Variants in DCT observed in about 807,000 individuals in gnomAD.
The protein encoded by DCT is dopachrome tautomerase.
A neutral mutation model predicts 53.0 loss-of-function variants in DCT; 47 were observed. The ratio of observed to expected loss-of-function variants is 0.89; its 90% CI spans 0.70 to 1.13. DCT has a LOEUF of 1.13. DCT is among the 50% of genes most tolerant of loss of function. The pLI, the probability that DCT is intolerant of heterozygous loss-of-function variation, is 0.00. For synonymous variants in DCT, 244 were observed against 237.0 expected, an observed-to-expected ratio of 1.03 and a Z score of -0.27; for missense variants, 669 against 637.4, an observed-to-expected ratio of 1.05 and a Z score of -0.53.
chr13:94,525,949 C>T, the DCT span, among the ~76,000 whole-genome samples: 1 of 152,250 alleles, frequency 6.6e-6, no homozygotes, highest in African/African-American at 2.4e-5. Flanking sequence ...CTTCTGTAAA[C>T]TGCTCTTCAT....
At chr13:94,520,282 CTTTAAGT>C in the DCT span, among the ~76,000 whole-genome samples, 1 of 152,164 alleles carries the variant, frequency 6.6e-6, no homozygotes, top group East Asian at 1.9e-4. Context: ...TTCCTCTAAT[CTTTAAGT>C]TTTAATTAGC....
the DCT span, among the ~76,000 whole-genome samples, chr13:94,490,528 A>AAAAAAC: frequency 6.7e-6 from 1 of 149,202 alleles, no homozygotes; most frequent in Non-Finnish European, 1.5e-5. Flanking sequence ...AAAAAAAAAA[A>AAAAAAC]AAACAACTAA....
Position 94,468,760 on chromosome 13 carries a change from C to A in DCT, c.581G>T (p.Arg194Ile), listed in dbSNP as rs774236461. The change falls in exon 2 of 8, where the codon AGA becomes ATA. Residue 194 changes from arginine to isoleucine, a missense_variant. Arg to Ile is a moderately conservative substitution (Grantham distance 97, BLOSUM62 -3). Transcript: ENST00000377028. The stretch of plus-strand genomic sequence containing the variant: ...AAAAAACCCACCTAATAATGTATCT[C>A]TAACAGAATAATAATGGAGCCACAC... ...FFVWLHYYSV[R>I]DTLLGPGRPY... 1 of 1,613,948 alleles carries A rather than the reference C, an allele frequency of 6.2e-7. No homozygotes were observed.
the DCT span, among the ~76,000 whole-genome samples, chr13:94,503,754 G>C: frequency 6.6e-6 from 1 of 152,146 alleles, no homozygotes; most frequent in African/African-American, 2.4e-5. Flanking sequence ...CCTCCACAAC[G>C]GTGAGAGAAT....
chr13:94,470,119 GA>G (rs1182229920), intron 1 of DCT, among the ~76,000 whole-genome samples: 5 of 151,986 alleles, frequency 3.3e-5, no homozygotes, highest in Non-Finnish European at 5.9e-5. Context: ...AAGAAAGAGA[GA>G]GAGAAAGAAA....
the DCT span, among the ~76,000 whole-genome samples, chr13:94,504,708 A>G: frequency 6.6e-6 from 1 of 152,154 alleles, no homozygotes; most frequent in African/African-American, 2.4e-5. Flanking sequence ...TGCTACTGGC[A>G]TTCAATGGGC....
At chr13:94,504,550 G>A in the DCT span, among the ~76,000 whole-genome samples, 1 of 152,016 alleles carries the variant, frequency 6.6e-6, no homozygotes, top group African/African-American at 2.4e-5. Context: ...TGTATTTTTA[G>A]TAGAGATGGG....
At chr13:94,441,113 C>T (rs1882278467) in intron 7 of DCT, among the ~76,000 whole-genome samples, 1 of 152,130 alleles carries the variant, frequency 6.6e-6, no homozygotes, top group Non-Finnish European at 1.5e-5. Context: ...ATAAGATTCT[C>T]TTTCTAGTCC....
At chr13:94,442,317 G>A (rs1023562402) in intron 7 of DCT, among the ~76,000 whole-genome samples, 1 of 151,892 alleles carries the variant, frequency 6.6e-6, no homozygotes, top group South Asian at 2.1e-4. Flanking sequence ...GTTTTTTTGG[G>A]TTTTTTTGAA....
chr13:94,467,647 C>T (rs775627548), intron 2 of DCT: 6 of 152,090 alleles, frequency 3.9e-5, no homozygotes, highest in Non-Finnish European at 7.4e-5. Flanking sequence ...CACTGCTGTC[C>T]CTGATGTTGG....
upstream of DCT, among the ~76,000 whole-genome samples, chr13:94,484,442 C>G (rs1885577834): frequency 1.3e-5 from 2 of 152,164 alleles, no homozygotes; most frequent in Non-Finnish European, 2.9e-5. Flanking sequence ...CTCTCATATC[C>G]CCATCTGCTC....
chr13:94,544,728 A>T, the DCT span, among the ~76,000 whole-genome samples: 10 of 152,240 alleles, frequency 6.6e-5, no homozygotes, highest in Non-Finnish European at 1.0e-4. Flanking sequence ...ATTTCTGGCC[A>T]AGGACTCAAC....
chr13:94,526,762 G>C, the DCT span, among the ~76,000 whole-genome samples: 3 of 152,138 alleles, frequency 2.0e-5, no homozygotes, highest in African/African-American at 4.8e-5. Flanking sequence ...CATCTCATTG[G>C]GACCGGTTGG....
chr13:94,510,132 T>C, the DCT span, among the ~76,000 whole-genome samples: 1 of 152,208 alleles, frequency 6.6e-6, no homozygotes, highest in Non-Finnish European at 1.5e-5. Context: ...TCTTTTCCAG[T>C]TTCTCTTTCT....
chr13:94,485,828 A>T, the DCT span, among the ~76,000 whole-genome samples: 1 of 152,144 alleles, frequency 6.6e-6, no homozygotes, highest in South Asian at 2.1e-4. Context: ...AGATAAAGAG[A>T]TTTCCTTTGG....
chr13:94,468,701 T>G, intron 2 of DCT, 45 bp downstream of exon 2: 1 of 1,559,060 alleles, frequency 6.4e-7, no homozygotes, highest in East Asian at 2.3e-5. Flanking sequence ...CTCAACCCAA[T>G]CACAAACCTG....
At chr13:94,475,025 C>T (rs941305876) in intron 1 of DCT, among the ~76,000 whole-genome samples, 7 of 152,164 alleles carry the variant, frequency 4.6e-5, no homozygotes, top group African/African-American at 1.7e-4. Context: ...GCAAAAGAGT[C>T]ATCAGGCTAC....
At chr13:94,533,734 A>G in the DCT span, among the ~76,000 whole-genome samples, 1 of 152,110 alleles carries the variant, frequency 6.6e-6, no homozygotes, top group Non-Finnish European at 1.5e-5. Context: ...GCAGTGAGCC[A>G]ATATCACTGC....
Position 94,465,674 on chromosome 13 carries a change from A to G in DCT, c.822T>C (p.Ser274=). The change falls in exon 4 of 8, where the codon AGT becomes AGC. Residue 274 remains serine, a synonymous_variant. Coordinates refer to ENST00000377028, the MANE Select transcript of DCT (RefSeq NM_001922.5). The part of the protein sequence containing the change: ...AARPDDPTLI[S]RNSRFSSWET... ...CCCAGCTGGAGAATCTTGAGTTCCG[A>G]CTAATCAGAGTCGGATCGTCTGGTC... 1.2e-6 allele frequency: 2 copies of G among 1,613,698 alleles called. No individual in the cohort carries two copies. Among genetic ancestry groups the G allele is most frequent in the Non-Finnish European group, 1.7e-6 (2 of 1,179,880 alleles).
Sources: allele counts gnomAD v4.1 joint callset (sites outside exome capture counted in the v4.1 genomes callset), GRCh38; gene constraint gnomAD v4.1.1; transcripts MANE v1.5; gene names NCBI Gene and HGNC (gene_info 2026-07-23, HGNC 2026-07-21).